RIMS1: variants seen among roughly 807,000 people sequenced by gnomAD.
RIMS1 encodes the protein regulating synaptic membrane exocytosis protein 1.
RIMS1 carries 83 observed loss-of-function variants against 214.1 expected under a neutral mutation model. The observed-to-expected ratio is 0.39, with a 90% CI of 0.32 to 0.47. The LOEUF is 0.47. Among genes scored for constraint, RIMS1 ranks in the 20% least tolerant of loss-of-function variants. The pLI, the probability that RIMS1 is intolerant of heterozygous loss-of-function variation, is 0.99. For missense variants in RIMS1, 2,050 were observed against 2,161.8 expected (o/e 0.95, Z 1.03); for synonymous variants, 793 against 786.8 (o/e 1.01, Z -0.13).
At chr6:72,069,386 T>C (rs546024877) in intron 2 of RIMS1, among the ~76,000 whole-genome samples, 18 of 152,370 alleles carry the variant, frequency 1.2e-4, no homozygotes, top group Admixed American at 1.2e-3. Context: ...GCTTCTCTAA[T>C]AGAAGTCTCT....
At chr6:72,365,443 CT>C (rs2097963945) in intron 29 of RIMS1, among the ~76,000 whole-genome samples, 1 of 152,216 alleles carries the variant, frequency 6.6e-6, no homozygotes, top group African/African-American at 2.4e-5. Flanking sequence ...GACTTCATCC[CT>C]TGCCATTTCA....
At chr6:72,077,358 G>A (rs1832180895) in intron 2 of RIMS1, among the ~76,000 whole-genome samples, 1 of 152,192 alleles carries the variant, frequency 6.6e-6, no homozygotes, top group Non-Finnish European at 1.5e-5. Context: ...CTGTGAACAA[G>A]GACTTAGTTT....
intron 1 of RIMS1, among the ~76,000 whole-genome samples, chr6:71,917,812 A>G (rs1020961356): frequency 2.6e-5 from 4 of 152,176 alleles, no homozygotes; most frequent in South Asian, 2.1e-4. Flanking sequence ...ACTACAAAAC[A>G]TATTTCAAAA....
At chr6:72,123,255 G>C (rs1284170388) in intron 4 of RIMS1, among the ~76,000 whole-genome samples, 1 of 151,804 alleles carries the variant, frequency 6.6e-6, no homozygotes, top group Non-Finnish European at 1.5e-5. Context: ...GGAGCAGGTT[G>C]TTCAATTTCC....
chr6:72,242,658 AT>A (rs1337259271), intron 10 of RIMS1, among the ~76,000 whole-genome samples: 1 of 151,650 alleles, frequency 6.6e-6, no homozygotes, highest in Non-Finnish European at 1.5e-5. Context: ...AACAATTGTA[AT>A]ATCAAAAAAT....
intron 4 of RIMS1, among the ~76,000 whole-genome samples, chr6:72,160,064 A>T (rs374717993): frequency 9.5e-6 from 1 of 104,870 alleles, no homozygotes; most frequent in South Asian, 3.8e-4. Flanking sequence ...CTTTTATTTC[A>T]TTGAGCAGTG....
At chr6:72,132,878 T>C (rs1469808948) in intron 4 of RIMS1, among the ~76,000 whole-genome samples, 1 of 152,214 alleles carries the variant, frequency 6.6e-6, no homozygotes, top group Non-Finnish European at 1.5e-5. Flanking sequence ...ACAGATATTT[T>C]TGGACTAATA....
At chr6:72,117,790 A>G (rs2037383921) in intron 4 of RIMS1, among the ~76,000 whole-genome samples, 1 of 152,040 alleles carries the variant, frequency 6.6e-6, no homozygotes, top group Non-Finnish European at 1.5e-5. Flanking sequence ...GTTAAGAGGA[A>G]AGTTCATAGC....
rs116067258 is a variant in RIMS1 at position 71,999,320 on chromosome 6, C to T, written c.245+30257C>T. Among the ~76,000 whole-genome samples, 1,141 of 152,162 alleles carry T rather than the reference C, an allele frequency of 7.5e-3. 11 individuals carry two copies. The highest frequency in any genetic ancestry group is 0.026 in the African/African-American group (1,074 of 41,540). Reference sequence around the variant, plus strand: ...GAATACTAAATACTAATGATGATGACGATGATCCTTGTTTTGTTCCTGACT... The same window carrying T: ...GAATACTAAATACTAATGATGATGATGATGATCCTTGTTTTGTTCCTGACT... On this transcript the variant is annotated intron_variant, in intron 2 of 33. Transcript: ENST00000521978.
intron 19 of RIMS1, chr6:72,263,376 C>A (rs2078922406): frequency 1.0e-6 from 1 of 983,114 alleles, no homozygotes; most frequent in Admixed American, 6.2e-5. Context: ...TTACCACACA[C>A]CCCTGTTAAG....
chr6:71,951,798 A>G (rs891162495), intron 1 of RIMS1, among the ~76,000 whole-genome samples: 4 of 151,868 alleles, frequency 2.6e-5, no homozygotes, highest in Non-Finnish European at 1.5e-5. Flanking sequence ...GTGAGCCACC[A>G]TGCTTGGCCT....
rs368255881 is a variant in RIMS1, at chr6:72,106,028, A to G, written c.471+6042A>G. Among the ~76,000 whole-genome samples the G allele has an allele frequency of 6.6e-5, 10 of 152,342 alleles. 1 individual carries two copies. Among genetic ancestry groups the G allele is most frequent in the Admixed American group, 5.9e-4 (9 of 15,304 alleles). On this transcript the variant is annotated intron_variant, in intron 4 of 33. Transcript: ENST00000521978. ...TTCTAAAGCTTGTAACCATAACATG[A>G]AATTAGATATGTAGATCTTAAAAAG...
chr6:72,239,403 C>T (rs1469559805), intron 9 of RIMS1, among the ~76,000 whole-genome samples: 1 of 152,068 alleles, frequency 6.6e-6, no homozygotes, highest in African/African-American at 2.4e-5. Flanking sequence ...ATAAAACAGA[C>T]AAGTGTACTT....
At chr6:71,946,762 C>T (rs536643397) in intron 1 of RIMS1, among the ~76,000 whole-genome samples, 11 of 149,544 alleles carry the variant, frequency 7.4e-5, no homozygotes, top group East Asian at 2.0e-4. Context: ...GTATAGGCAA[C>T]GAAAGCAAAA....
At chr6:71,905,922 T>A (rs1300069295) in intron 1 of RIMS1, among the ~76,000 whole-genome samples, 3 of 152,136 alleles carry the variant, frequency 2.0e-5, no homozygotes, top group Non-Finnish European at 4.4e-5. Context: ...TCTATCACCC[T>A]CCTTTTAAAG....
chr6:71,908,217 T>C (rs993732776), intron 1 of RIMS1, among the ~76,000 whole-genome samples: 1 of 152,220 alleles, frequency 6.6e-6, no homozygotes, highest in African/African-American at 2.4e-5. Context: ...TCACTTTATC[T>C]TCTTTTTTCC....
chr6:72,004,498 T>C (rs1204445), intron 2 of RIMS1, among the ~76,000 whole-genome samples: 67,253 of 150,112 alleles, frequency 0.45, 15,580 homozygotes, highest in Non-Finnish European at 0.52. Context: ...AGTGTAAAAG[T>C]GTTCCTATTT....
At chr6:72,226,091 A>C (rs943886807) in intron 6 of RIMS1, among the ~76,000 whole-genome samples, 1 of 152,048 alleles carries the variant, frequency 6.6e-6, no homozygotes, top group African/African-American at 2.4e-5. Context: ...CCATGACCAC[A>C]TTCTTATTTT....
intron 6 of RIMS1, among the ~76,000 whole-genome samples, chr6:72,228,399 T>C (rs551918041): frequency 6.6e-6 from 1 of 151,964 alleles, no homozygotes; most frequent in Non-Finnish European, 1.5e-5. Flanking sequence ...ATACTACTTA[T>C]ACTCCTCATT....
Sources: allele counts gnomAD v4.1 joint callset (sites outside exome capture counted in the v4.1 genomes callset), GRCh38; gene constraint gnomAD v4.1.1; transcripts MANE v1.5; gene names NCBI Gene and HGNC (gene_info 2026-07-23, HGNC 2026-07-21).